SUSD5: variants seen among roughly 807,000 people sequenced by gnomAD.
SUSD5 encodes sushi domain containing 5, also known as sushi domain-containing protein 5.
SUSD5 carries 33 observed loss-of-function variants against 29.5 expected under a neutral mutation model. The ratio of observed to expected loss-of-function variants is 1.12; its 90% CI spans 0.85 to 1.49. SUSD5 has a LOEUF of 1.49. SUSD5 is among the 40% of genes most tolerant of loss of function. SUSD5 has a pLI of 0.00. For synonymous variants in SUSD5, 308 were observed against 325.3 expected, an observed-to-expected ratio of 0.95 and a Z score of 0.57; for missense variants, 776 against 800.6, an observed-to-expected ratio of 0.97 and a Z score of 0.37.
In SUSD5 at chr3:33,161,445, C is replaced by T. The variant is rs141305743; in HGVS notation, c.599-7412G>A. On this transcript the variant is annotated intron_variant, in intron 4 of 4. Coordinates refer to ENST00000309558, the MANE Select transcript of SUSD5 (RefSeq NM_015551.2). ...AATGCTTAATTGCTTCGAAAGAAGG[C>T]AGGAAAGCAGAGAAAAAGGAACAAA... Among the ~76,000 whole-genome samples, 24 of 151,648 alleles carry T rather than the reference C, an allele frequency of 1.6e-4. No homozygotes were observed. The East Asian group carries it at 4.7e-3, about 30-fold the overall frequency.
intron 4 of SUSD5, among the ~76,000 whole-genome samples, chr3:33,164,969 A>AACACACACAC (rs34551240): frequency 0.037 from 5,390 of 147,078 alleles, 136 homozygotes; most frequent in Non-Finnish European, 0.054. Context: ...ACTAAAGTTG[A>AACACACACAC]ACACACACAC....
intron 1 of SUSD5, among the ~76,000 whole-genome samples, chr3:33,217,510 G>A (rs1313870967): frequency 6.6e-6 from 1 of 152,146 alleles, no homozygotes; most frequent in Non-Finnish European, 1.5e-5. Flanking sequence ...GTTACTAACA[G>A]CCTTCAAAGT....
At chr3:33,216,343 A>C (rs1432565974) in intron 1 of SUSD5, among the ~76,000 whole-genome samples, 1 of 152,166 alleles carries the variant, frequency 6.6e-6, no homozygotes, top group Non-Finnish European at 1.5e-5. Flanking sequence ...CATTATTTAA[A>C]ATCTTCCTAC....
At chr3:33,155,682 A>T (rs148709229) in intron 4 of SUSD5, among the ~76,000 whole-genome samples, 1 of 152,246 alleles carries the variant, frequency 6.6e-6, no homozygotes, top group Non-Finnish European at 1.5e-5. Flanking sequence ...GGTATACTCA[A>T]TGCAAATCTG....
At chr3:33,214,141 A>C in intron 1 of SUSD5, 36 bp from the exon 2 acceptor site, 2 of 1,550,238 alleles carry the variant, frequency 1.3e-6, no homozygotes, top group Non-Finnish European at 1.7e-6. Flanking sequence ...TGTGGATTTC[A>C]GGATCCATGG....
rs68055129 is a variant in SUSD5 at position 33,183,930 on chromosome 3, C to CTTTTTTTTTTTTTTT, written c.410-8871_410-8857dup. ...AACACTTTAAATATTTTATTACCCTCTTTTTTTTTTTTTTTTTTTTTTTTT... is the reference window on the plus strand; with the variant it reads ...AACACTTTAAATATTTTATTACCCTCTTTTTTTTTTTTTTTTTTTTTTTTTTTTTTTTTTTTTTTT... On this transcript the variant is annotated intron_variant, in intron 3 of 4. Coordinates refer to ENST00000309558, the MANE Select transcript of SUSD5 (RefSeq NM_015551.2). Among the ~76,000 whole-genome samples the CTTTTTTTTTTTTTTT allele has an allele frequency of 1.0e-3, 63 of 62,608 alleles. 6 individuals carry two copies. The highest frequency in any genetic ancestry group is 1.2e-3 in the Non-Finnish European group (44 of 35,486). The allele number at this position is 62,608 out of a possible 152,430, so 41.1% of individuals were successfully genotyped here.
At chr3:33,170,062 C>A (rs745415864) in intron 4 of SUSD5, among the ~76,000 whole-genome samples, 1 of 151,998 alleles carries the variant, frequency 6.6e-6, no homozygotes, top group Non-Finnish European at 1.5e-5. Context: ...GGACTACAGG[C>A]GCAATGCCAC....
At chr3:33,155,010 A>G (rs1223713510) in intron 4 of SUSD5, among the ~76,000 whole-genome samples, 3 of 152,258 alleles carry the variant, frequency 2.0e-5, no homozygotes, top group Admixed American at 6.5e-5. Context: ...GACATATGCA[A>G]AACATTTCAA....
At chr3:33,207,493 C>A (rs2032243374) in intron 3 of SUSD5, among the ~76,000 whole-genome samples, 1 of 152,170 alleles carries the variant, frequency 6.6e-6, no homozygotes, top group South Asian at 2.1e-4. Flanking sequence ...ATAACTACTC[C>A]AGCTCCCTCA....
At chr3:33,203,446 T>C (rs942830821) in intron 3 of SUSD5, among the ~76,000 whole-genome samples, 1 of 152,220 alleles carries the variant, frequency 6.6e-6, no homozygotes, top group Non-Finnish European at 1.5e-5. Flanking sequence ...CTGTCTTCCC[T>C]GTAGCCTTTG....
At chr3:33,168,466 T>G in intron 4 of SUSD5, 1 of 958,924 alleles carries the variant, frequency 1.0e-6, no homozygotes, top group Non-Finnish European at 1.2e-6. Context: ...TAGAAGTTAA[T>G]TTAAGAAAAC....
At chr3:33,218,112 C>G (rs1056583451) in intron 1 of SUSD5, among the ~76,000 whole-genome samples, 2 of 152,216 alleles carry the variant, frequency 1.3e-5, no homozygotes, top group African/African-American at 4.8e-5. Flanking sequence ...GACGTCCCCT[C>G]GCCTCCAGGT....
In SUSD5 at chr3:33,167,384, A is replaced by G. The variant is rs7614169; in HGVS notation, c.598+7502T>C. On this transcript the variant is annotated intron_variant, in intron 4 of 4. Transcript: ENST00000309558. This position sits in a 1 kb window ranked among gnomAD's most constrained non-coding sequence, Gnocchi z 4.1. ...CTTGACCTGGACACTTACAGTCTGA[A>G]CTATGTGTGTTTGTTTGTGTGCATG... is the stretch of plus-strand genomic sequence containing the variant. 0.83 allele frequency among the ~76,000 whole-genome samples: 125,728 copies of G among 151,826 alleles called. 52,695 individuals carry two copies. The highest frequency in any genetic ancestry group is 1 in the East Asian group (5,122 of 5,146).
At chr3:33,164,213 C>T (rs149603285) in intron 4 of SUSD5, among the ~76,000 whole-genome samples, 6 of 152,154 alleles carry the variant, frequency 3.9e-5, no homozygotes, top group African/African-American at 7.2e-5. Flanking sequence ...TATATAGTTT[C>T]CTTTATATAA....
chr3:33,152,760 G>A lies in SUSD5; in HGVS notation c.1872C>T (p.Ile624=), dbSNP rs1164244792. The A allele has an allele frequency of 6.4e-5, 103 of 1,610,578 alleles. No homozygotes were observed. Among genetic ancestry groups the A allele is most frequent in the Non-Finnish European group, 7.8e-5 (92 of 1,178,146 alleles). ...QRQARHYHQQ[I]EMEKV ...AAGGTGCCTAGACCTTCTCCATCTC[G>A]ATCTGCTGGTGGTAGTGCCGAGCCT... Residue 624 remains isoleucine, a synonymous_variant, in exon 5 of 5, where the codon ATC becomes ATT. Coordinates refer to ENST00000309558, the MANE Select transcript of SUSD5 (RefSeq NM_015551.2).
intron 4 of SUSD5, among the ~76,000 whole-genome samples, chr3:33,161,521 A>G (rs777097264): frequency 1.3e-5 from 2 of 152,206 alleles, no homozygotes; most frequent in Non-Finnish European, 2.9e-5. Context: ...TTAAAACCAA[A>G]TCTACCGATG....
chr3:33,214,301 A>T (rs547999591), intron 1 of SUSD5, among the ~76,000 whole-genome samples, 196 bp from the exon 2 acceptor site: 73 of 150,630 alleles, frequency 4.8e-4, no homozygotes, highest in Non-Finnish European at 8.9e-4. Flanking sequence ...TTTTTCTCTT[A>T]TCTTCTTCTT....
chr3:33,153,017 C>T lies in SUSD5; in HGVS notation c.1615G>A (p.Glu539Lys). 6.2e-7 allele frequency: 1 copy of T among 1,613,846 alleles called. No individual in the cohort carries two copies. The highest frequency in any genetic ancestry group is 1.6e-4 in the Middle Eastern group (1 of 6,062). ...IQDSFPYLLSEDFFGQEGPGP... is the reference protein window; with the variant it reads ...IQDSFPYLLSKDFFGQEGPGP... ...GGGCCTTCCTGTCCAAAGAAGTCTT[C>T]AGACAGCAGGTATGGGAAGCTATCC... Residue 539 changes from glutamate to lysine, a missense_variant, in exon 5 of 5, where the codon GAA (glutamate) becomes AAA (lysine). By Grantham distance (56) the Glu-to-Lys change is moderately conservative. Coordinates refer to ENST00000309558, the MANE Select transcript of SUSD5 (RefSeq NM_015551.2).
chr3:33,217,791 C>T (rs967252192), intron 1 of SUSD5, among the ~76,000 whole-genome samples: 2 of 152,022 alleles, frequency 1.3e-5, no homozygotes, highest in Admixed American at 6.6e-5. Flanking sequence ...TGACGGAGGG[C>T]TTTTCTCTTT....
Sources: gnomAD v4.1 joint callset for allele counts (sites outside exome capture counted in the v4.1 genomes callset) on GRCh38, gnomAD v4.1.1 for gene constraint, Gnocchi (gnomAD v3.1) non-coding constraint, MANE v1.5 for transcripts, NCBI Gene and HGNC (gene_info 2026-07-23, HGNC 2026-07-21) for gene names.